The following DHX57 variants were observed in gnomAD, a reference collection of about 807,000 sequenced individuals.
DHX57 encodes the protein putative ATP-dependent RNA helicase DHX57.
A neutral mutation model predicts 156.2 loss-of-function variants in DHX57; 105 were observed. That is an observed-to-expected ratio of 0.67 (90% confidence interval 0.57 to 0.79). The LOEUF (loss-of-function observed/expected upper bound fraction) is 0.79, where lower values mean the gene tolerates loss of function less well. Among genes scored for constraint, DHX57 ranks in the 30% least tolerant of loss-of-function variants. The pLI, the probability that DHX57 is intolerant of heterozygous loss-of-function variation, is 0.00. For synonymous variants in DHX57, 704 were observed against 595.6 expected (o/e 1.18, Z -2.65); for missense variants, 1,847 against 1,661.9 (o/e 1.11, Z -1.94).
rs547418286 is a variant in DHX57 at position 38,866,230 on chromosome 2, A to G, written c.224+1952T>C. Among the ~76,000 whole-genome samples the G allele has an allele frequency of 2.6e-5, 4 of 152,334 alleles. No individual in the cohort carries two copies. The South Asian group carries it at 8.3e-4, about 32-fold the overall frequency. On this transcript the variant is annotated intron_variant, in intron 2 of 23. Transcript: ENST00000457308. ...TTCATGTAAAAGCCAAAGTCCTAAT[A>G]ATGGCCCATGAAGTCCTATACAGTC...
intron 12 of DHX57, among the ~76,000 whole-genome samples, chr2:38,842,429 T>C (rs1363260474): frequency 6.6e-6 from 1 of 152,192 alleles, no homozygotes; most frequent in Non-Finnish European, 1.5e-5. Context: ...AATTATATAA[T>C]TGTATCAGTG....
Position 38,798,385 on chromosome 2 carries a change from T to C in DHX57, c.4075A>G (p.Ile1359Val), listed in dbSNP as rs982081090. The C allele has an allele frequency of 6.2e-7, 1 of 1,613,908 alleles. No homozygotes were observed. The highest frequency in any genetic ancestry group is 1.3e-5 in the African/African-American group (1 of 74,936). Residue 1359 changes from isoleucine to valine, a missense_variant, in exon 24 of 24, where the codon ATT becomes GTT. Transcript: ENST00000457308. ...CACAGATCAATGCTTGGGTTTTTAA[T>C]TTTATCCTGGAGAAGCTGATCAAGT... Reference protein sequence around the residue: ...CELDQLLQDKIKNPSIDLCTC... With the variant: ...CELDQLLQDKVKNPSIDLCTC...
intron 4 of DHX57, 44 bp from the exon 5 acceptor site, chr2:38,861,881 T>G: frequency 6.6e-7 from 1 of 1,516,908 alleles, no homozygotes; most frequent in African/African-American, 1.4e-5. Flanking sequence ...TAAAAAGCAG[T>G]ATCACACCAT....
At chr2:38,799,019 C>G (rs1024726118) in intron 23 of DHX57, among the ~76,000 whole-genome samples, 3 of 151,802 alleles carry the variant, frequency 2.0e-5, no homozygotes, top group African/African-American at 7.3e-5. Context: ...AAAGTTTGGT[C>G]AATTTTTATG....
chr2:38,840,078 A>G (rs1280467058), intron 12 of DHX57, among the ~76,000 whole-genome samples: 1 of 151,596 alleles, frequency 6.6e-6, no homozygotes, highest in East Asian at 2.0e-4. Context: ...CCTGAGTAGC[A>G]GGGACTATAG....
chr2:38,819,416 T>A (rs987361493), intron 17 of DHX57, among the ~76,000 whole-genome samples: 6 of 152,190 alleles, frequency 3.9e-5, no homozygotes, highest in African/African-American at 1.4e-4. Flanking sequence ...GCTCAGGCAA[T>A]TGGCCCACCT....
In DHX57 at chr2:38,804,525, AAAAC is replaced by A. The variant is rs1669852925; in HGVS notation, c.3817-1614_3817-1611del. ...TAAAATAAAAATAAAAATAAAAACA[AAAAC>A]AATAAGTCCAATTATGGCTCAAAAC... On this transcript the variant is annotated intron_variant, in intron 22 of 23. Coordinates refer to ENST00000457308, the MANE Select transcript of DHX57 (RefSeq NM_198963.3). Among the ~76,000 whole-genome samples, 3 of 152,032 alleles carry A rather than the reference AAAAC, an allele frequency of 2.0e-5. No homozygotes were observed. The South Asian group carries it at 6.2e-4, about 31-fold the overall frequency.
In DHX57 at chr2:38,875,908, T is replaced by A. The variant is rs550282639; in HGVS notation, c.-128A>T. ...TGGAGCAGCCCTGCGGTGGCCCAGC[T>A]GCAGCGGCACAGTCCCGGCGCCTTC... On this transcript the variant is annotated 5_prime_UTR_variant, in exon 1 of 24. Transcript: ENST00000457308. 1.3e-5 allele frequency: 5 copies of A among 396,752 alleles called. No homozygotes were observed. In the East Asian group the frequency reaches 1.8e-4, roughly 14 times the overall value. 24.6% of individuals were successfully genotyped at this position (396,752 alleles called of 1,614,324 possible). A position where few individuals can be genotyped will look rare whatever the true frequency, so the allele number is the denominator to read the frequency against.
At position 38,860,850 on chromosome 2, in the gene DHX57, G is replaced by C. The variant is rs1673154179; in HGVS notation, c.1411+149C>G. 10 of 685,608 alleles carry C rather than the reference G, an allele frequency of 1.5e-5. No homozygotes were observed. In the Admixed American group the frequency reaches 2.5e-4, roughly 17 times the overall value. The allele number at this position is 685,608 out of a possible 1,614,324, so 42.5% of individuals were successfully genotyped here. On this transcript the variant is annotated intron_variant, in intron 5 of 23. Coordinates refer to ENST00000457308, the MANE Select transcript of DHX57 (RefSeq NM_198963.3). Reference sequence around the variant, plus strand: ...AAAGTCAGATACAATTACAGTTCAGGGAATTCTCATTCCCTTTTGCCCTTG... The same window carrying C: ...AAAGTCAGATACAATTACAGTTCAGCGAATTCTCATTCCCTTTTGCCCTTG...
chr2:38,820,307 A>G (rs1331209737), intron 17 of DHX57, among the ~76,000 whole-genome samples: 5 of 152,076 alleles, frequency 3.3e-5, no homozygotes, highest in African/African-American at 4.8e-5. Flanking sequence ...GATGACATCA[A>G]TATTTCTTTT....
At position 38,798,485 on chromosome 2, in the gene DHX57, G is replaced by A. The variant is rs765085475; in HGVS notation, c.4018-43C>T. The A allele has an allele frequency of 2.6e-6, 4 of 1,565,090 alleles. No individual in the cohort carries two copies. In the East Asian group the frequency reaches 6.8e-5, roughly 26 times the overall value. ...ATATAAGCAGTGCTTGGAGGAACAG[G>A]CAGGATAGGTTATTGGAGGGAAATA... is the stretch of plus-strand genomic sequence containing the variant. On this transcript the variant is annotated intron_variant, in intron 23 of 23. Transcript: ENST00000457308.
chr2:38,872,771 T>C (rs963206582), intron 1 of DHX57, among the ~76,000 whole-genome samples: 3 of 152,112 alleles, frequency 2.0e-5, no homozygotes, highest in Non-Finnish European at 4.4e-5. Context: ...GACAATTCAA[T>C]AATAATAGTA....
At chr2:38,860,928 G>C in intron 5 of DHX57, 71 bp downstream of exon 5, 2 of 1,396,070 alleles carry the variant, frequency 1.4e-6, no homozygotes, top group African/African-American at 2.9e-5. Context: ...TCCTAGACCA[G>C]CCTTAAAGGC....
chr2:38,863,884 G>A (rs1462728191), intron 2 of DHX57, among the ~76,000 whole-genome samples: 8 of 152,000 alleles, frequency 5.3e-5, no homozygotes, highest in Non-Finnish European at 8.8e-5. Flanking sequence ...GTGGCAGTGC[G>A]CTCCTGTAAT....
At chr2:38,816,300 T>G in intron 19 of DHX57, 1 of 453,374 alleles carries the variant, frequency 2.2e-6, no homozygotes, top group South Asian at 1.6e-5. Flanking sequence ...CTGCAACCTC[T>G]GCCTCCTGGG....
At chr2:38,871,602 G>T (rs1665356274) in intron 1 of DHX57, among the ~76,000 whole-genome samples, 1 of 152,132 alleles carries the variant, frequency 6.6e-6, no homozygotes, top group South Asian at 2.1e-4. Flanking sequence ...CCAAGAGCAT[G>T]ATGCTGGCAT....
intron 14 of DHX57, among the ~76,000 whole-genome samples, chr2:38,827,858 T>C (rs1402959835): frequency 2.6e-5 from 4 of 152,026 alleles, no homozygotes; most frequent in African/African-American, 9.7e-5. Flanking sequence ...CTATGCTAAG[T>C]GAAGAGAATT....
Position 38,861,364 on chromosome 2 carries a change from G to A in DHX57, c.1046C>T (p.Ala349Val). Reference sequence around the variant, plus strand: ...AATTTCAAGTTCATATAAAAAAGATGCATCTTCAATAGCATTAAGATGAGA... The same window carrying A: ...AATTTCAAGTTCATATAAAAAAGATACATCTTCAATAGCATTAAGATGAGA... The part of the protein sequence containing the change: ...DDSHLNAIED[A>V]SFLYELEIRF... The change falls in exon 5 of 24, where the codon GCA becomes GTA. Residue 349 changes from alanine to valine, a missense_variant. Ala to Val is a moderately conservative substitution (Grantham distance 64). Transcript: ENST00000457308. 1.2e-6 allele frequency: 2 copies of A among 1,613,518 alleles called. No individual in the cohort carries two copies. Among genetic ancestry groups the A allele is most frequent in the Non-Finnish European group, 1.7e-6 (2 of 1,179,828 alleles).
chr2:38,851,113 C>T (rs1672568634), intron 9 of DHX57, among the ~76,000 whole-genome samples: 1 of 152,054 alleles, frequency 6.6e-6, no homozygotes, highest in Non-Finnish European at 1.5e-5. Flanking sequence ...TGCTATCATT[C>T]TGTTAAATCA....
Sources: allele counts gnomAD v4.1 joint callset (sites outside exome capture counted in the v4.1 genomes callset), GRCh38; gene constraint gnomAD v4.1.1; transcripts MANE v1.5; gene names NCBI Gene and HGNC (gene_info 2026-07-23, HGNC 2026-07-21).